CDH13: variants seen among roughly 807,000 people sequenced by gnomAD.
The protein encoded by CDH13 is cadherin-13.
Under a neutral mutation model 63.8 loss-of-function variants are expected in CDH13, and 24 were observed. That is an observed-to-expected ratio of 0.38 (90% confidence interval 0.27 to 0.53). CDH13 has a LOEUF of 0.53. Ranked by LOEUF, CDH13 falls within the 20% of genes least tolerant of loss-of-function variation. CDH13 has a pLI of 0.85. For missense variants in CDH13, 1,049 were observed against 903.1 expected, an observed-to-expected ratio of 1.16 and a Z score of -2.07; for synonymous variants, 503 against 355.3, an observed-to-expected ratio of 1.42 and a Z score of -4.67.
intron 1 of CDH13, among the ~76,000 whole-genome samples, chr16:82,793,100 A>G (rs1220736547): frequency 1.3e-5 from 2 of 152,222 alleles, no homozygotes; most frequent in Non-Finnish European, 2.9e-5. Flanking sequence ...GCACTAAGGC[A>G]TTTCAGGGGC....
intron 1 of CDH13, among the ~76,000 whole-genome samples, chr16:82,852,512 C>A (rs535237927): frequency 3.3e-5 from 5 of 152,278 alleles, no homozygotes; most frequent in African/African-American, 1.2e-4. Context: ...GTCTAGAAGA[C>A]GTGAGAATCC....
intron 5 of CDH13, among the ~76,000 whole-genome samples, chr16:83,309,226 T>C (rs1439032055): frequency 6.6e-6 from 1 of 152,162 alleles, no homozygotes; most frequent in African/African-American, 2.4e-5. Context: ...CCAAAGGGAT[T>C]TTTGCAATGA....
intron 1 of CDH13, among the ~76,000 whole-genome samples, chr16:82,809,587 G>T (rs532701318): frequency 5.9e-5 from 9 of 152,088 alleles, no homozygotes; most frequent in African/African-American, 2.2e-4. Context: ...ATCTTTCTTT[G>T]GATTTGGTTT....
intron 6 of CDH13, among the ~76,000 whole-genome samples, chr16:83,449,059 A>G (rs1489333504): frequency 6.6e-6 from 1 of 152,212 alleles, no homozygotes; most frequent in African/African-American, 2.4e-5. Context: ...AGACTCGAGA[A>G]TAGATCAAGG....
rs3052814 is a variant in CDH13, at chr16:83,597,221, T to TCA, written c.961-5216_961-5215dup. On this transcript the variant is annotated intron_variant, in intron 7 of 13. Transcript: ENST00000567109. ...CTGGGTGACAGAGCAAGACCCTGAC[T>TCA]CACACACACACACACACAAAAAGTA... 1.1e-4 allele frequency among the ~76,000 whole-genome samples: 16 copies of TCA among 148,226 alleles called. 1 individual carries two copies. Among genetic ancestry groups the TCA allele is most frequent in the South Asian group, 6.3e-4 (3 of 4,772 alleles).
chr16:83,664,366 C>T (rs1469005914), intron 8 of CDH13, among the ~76,000 whole-genome samples: 2 of 152,094 alleles, frequency 1.3e-5, no homozygotes, highest in South Asian at 2.1e-4. Flanking sequence ...GGCAAGCAAC[C>T]ACAGGTCCCT....
chr16:82,716,104 C>T (rs1408893954), intron 1 of CDH13, among the ~76,000 whole-genome samples: 1 of 152,210 alleles, frequency 6.6e-6, no homozygotes, highest in Non-Finnish European at 1.5e-5. Flanking sequence ...CACAGAAGGG[C>T]AGGCTGGCCT....
chr16:83,004,481 C>G (rs185369140), intron 2 of CDH13, among the ~76,000 whole-genome samples: 1 of 152,112 alleles, frequency 6.6e-6, no homozygotes, highest in African/African-American at 2.4e-5. Flanking sequence ...GAATGTCATG[C>G]AAGGACCCCT....
intron 5 of CDH13, among the ~76,000 whole-genome samples, chr16:83,239,010 G>A (rs1597576940): frequency 6.6e-6 from 1 of 152,196 alleles, no homozygotes; most frequent in South Asian, 2.1e-4. Context: ...TGCCTTGCAT[G>A]TGCTGTTACT....
At chr16:82,803,460 G>GT (rs55792613) in intron 1 of CDH13, among the ~76,000 whole-genome samples, 19 of 151,828 alleles carry the variant, frequency 1.3e-4, no homozygotes, top group Admixed American at 2.6e-4. Context: ...CTCAGACTCA[G>GT]TTTTTTTTGT....
At chr16:83,231,227 A>G (rs968690534) in intron 5 of CDH13, among the ~76,000 whole-genome samples, 1 of 152,128 alleles carries the variant, frequency 6.6e-6, no homozygotes, top group African/African-American at 2.4e-5. Context: ...AATTCAGTTT[A>G]ACTGTGTAGG....
At chr16:83,317,939 G>C (rs550380340) in intron 5 of CDH13, among the ~76,000 whole-genome samples, 10 of 152,278 alleles carry the variant, frequency 6.6e-5, no homozygotes, top group African/African-American at 2.4e-4. Context: ...TAGCACCCAA[G>C]TTTTACTTCA....
chr16:82,679,468 T>G (rs1009135128), intron 1 of CDH13, among the ~76,000 whole-genome samples: 2 of 152,180 alleles, frequency 1.3e-5, no homozygotes. Context: ...ATGGAAGGCT[T>G]AAACATTAGC....
chr16:83,763,540 T>C (rs1405407720), intron 11 of CDH13, among the ~76,000 whole-genome samples: 1 of 152,194 alleles, frequency 6.6e-6, no homozygotes, highest in African/African-American at 2.4e-5. Flanking sequence ...GTGGTCTTTC[T>C]CTTTTCATAG....
At chr16:82,630,050 C>T (rs571114591) in intron 1 of CDH13, among the ~76,000 whole-genome samples, 7 of 152,220 alleles carry the variant, frequency 4.6e-5, no homozygotes, top group East Asian at 1.9e-4. Context: ...TCTGAGATTT[C>T]GCTATAAAGT....
At chr16:82,862,163 A>T (rs924566093) in intron 2 of CDH13, among the ~76,000 whole-genome samples, 7 of 152,144 alleles carry the variant, frequency 4.6e-5, no homozygotes, top group Non-Finnish European at 1.0e-4. Context: ...GCTTTTCCCC[A>T]AACACGACAA....
intron 2 of CDH13, among the ~76,000 whole-genome samples, chr16:83,004,945 G>C (rs1218974148): frequency 2.0e-5 from 3 of 152,164 alleles, no homozygotes; most frequent in African/African-American, 7.2e-5. Context: ...CTGCACCATA[G>C]CCAGGCTGTA....
At chr16:83,030,715 A>C (rs1446755568) in intron 2 of CDH13, among the ~76,000 whole-genome samples, 1 of 148,670 alleles carries the variant, frequency 6.7e-6, no homozygotes, top group Non-Finnish European at 1.5e-5. Context: ...ACTCCTCTTC[A>C]CTGGAAGCAG....
intron 5 of CDH13, among the ~76,000 whole-genome samples, chr16:83,260,432 C>G (rs1906846631): frequency 6.6e-6 from 1 of 152,032 alleles, no homozygotes; most frequent in Non-Finnish European, 1.5e-5. Flanking sequence ...ATATTTCTCC[C>G]CAGCACAGTC....
Sources: gnomAD v4.1 joint callset for allele counts (sites outside exome capture counted in the v4.1 genomes callset) on GRCh38, gnomAD v4.1.1 for gene constraint, MANE v1.5 for transcripts, NCBI Gene and HGNC (gene_info 2026-07-23, HGNC 2026-07-21) for gene names.